ZNF280C: variants seen among roughly 807,000 people sequenced by gnomAD.
ZNF280C encodes the protein zinc finger protein 280C, also known as suppressor of hairy wing homolog 3.
A neutral mutation model predicts 53.6 loss-of-function variants in ZNF280C; 14 were observed. The observed-to-expected ratio is 0.26, with a 90% CI of 0.17 to 0.41. The LOEUF is 0.41. ZNF280C is among the 10% of genes least tolerant of loss of function. ZNF280C has a pLI of 1.00. For synonymous variants in ZNF280C, 203 were observed against 181.1 expected, an observed-to-expected ratio of 1.12 and a Z score of -0.97; for missense variants, 416 against 547.1, an observed-to-expected ratio of 0.76 and a Z score of 2.39.
At chrX:130,266,687 T>C (rs1603247407) in intron 1 of ZNF280C, among the ~76,000 whole-genome samples, 1 of 111,063 alleles carries the variant, frequency 9.0e-6, no homozygotes, top group African/African-American at 3.3e-5. Context: ...TTGCAGCAAA[T>C]GAATAAAGTC....
intron 2 of ZNF280C, among the ~76,000 whole-genome samples, chrX:130,250,021 T>C (rs756931306): frequency 9.0e-5 from 10 of 111,663 alleles, no homozygotes; most frequent in Non-Finnish European, 1.9e-4. Context: ...CAATCATAAG[T>C]ATTAATAGCG....
chrX:130,213,656 G>T (rs2032068110), intron 15 of ZNF280C, among the ~76,000 whole-genome samples: 1 of 112,040 alleles, frequency 8.9e-6, no homozygotes, highest in Admixed American at 9.5e-5. Context: ...AGAAAAAGGG[G>T]TCAAGACTCT....
intron 6 of ZNF280C, among the ~76,000 whole-genome samples, chrX:130,237,833 T>C (rs1296290350): frequency 8.9e-6 from 1 of 111,736 alleles, no homozygotes; most frequent in Non-Finnish European, 1.9e-5. Context: ...ATCACTAACA[T>C]TTTTTCTGAG....
In ZNF280C at chrX:130,204,792, G is replaced by A. The variant is rs608117; in HGVS notation, c.*185C>T. 0.44 allele frequency: 157,340 copies of A among 356,122 alleles called. 25,671 individuals are homozygous for A. Among genetic ancestry groups the A allele is most frequent in the African/African-American group, 0.72 (26,920 of 37,291 alleles). The allele number at this position is 356,122 out of a possible 1,213,427, so 29.3% of individuals were successfully genotyped here. Reference sequence around the variant, plus strand: ...ATATGTTAAGATATGTTAACCTGACGCAAAGATAAGGTGGAATAACAATGT... The same window carrying A: ...ATATGTTAAGATATGTTAACCTGACACAAAGATAAGGTGGAATAACAATGT... On this transcript the variant is annotated 3_prime_UTR_variant, in exon 19 of 19. Coordinates refer to ENST00000370978, the MANE Select transcript of ZNF280C (RefSeq NM_017666.5).
intron 4 of ZNF280C, 49 bp downstream of exon 4, chrX:130,243,751 A>G (rs2032419177): frequency 1.7e-6 from 2 of 1,165,135 alleles, no homozygotes; most frequent in Middle Eastern, 2.9e-4. Flanking sequence ...ACAACCAATT[A>G]TATCAAAATA....
chrX:130,268,410 G>T (rs961196431), intron 1 of ZNF280C, among the ~76,000 whole-genome samples: 1 of 111,981 alleles, frequency 8.9e-6, no homozygotes, highest in Non-Finnish European at 1.9e-5. Flanking sequence ...AAGACGAAAG[G>T]GAGTTGCCTC....
intron 13 of ZNF280C, 35 bp downstream of exon 13, chrX:130,220,314 G>A (rs769977130): frequency 1.2e-5 from 13 of 1,081,677 alleles, no homozygotes; most frequent in South Asian, 8.2e-5. Flanking sequence ...AATAGAATGT[G>A]CAAAAAACCA....
intron 12 of ZNF280C, among the ~76,000 whole-genome samples, chrX:130,224,040 T>A (rs778967908): frequency 1.3e-4 from 15 of 111,832 alleles, no homozygotes; most frequent in Admixed American, 1.2e-3. Flanking sequence ...AACAAAAAAA[T>A]TCAGCACCTG....
In ZNF280C at chrX:130,204,166, G is replaced by A. The variant is rs1375598808; in HGVS notation, c.*811C>T. ...TTCCTTGGACTGCATGCCTGCTAGAGGAAAATTAAAGAGCAGCAGCCAAAA... is the reference window on the plus strand; with the variant it reads ...TTCCTTGGACTGCATGCCTGCTAGAAGAAAATTAAAGAGCAGCAGCCAAAA... On this transcript the variant is annotated 3_prime_UTR_variant, in exon 19 of 19. Coordinates refer to ENST00000370978, the MANE Select transcript of ZNF280C (RefSeq NM_017666.5). The A allele has an allele frequency of 8.9e-6, 1 of 112,529 alleles. No homozygotes were observed. The highest frequency in any genetic ancestry group is 1.9e-5 in the Non-Finnish European group (1 of 53,276). 9.3% of individuals were successfully genotyped at this position (112,529 alleles called of 1,213,427 possible).
At chrX:130,247,736 G>A (rs907917775) in intron 2 of ZNF280C, among the ~76,000 whole-genome samples, 1 of 110,872 alleles carries the variant, frequency 9.0e-6, no homozygotes, top group Non-Finnish European at 1.9e-5. Flanking sequence ...GTATAAACAA[G>A]GGAGATAAAC....
intron 5 of ZNF280C, among the ~76,000 whole-genome samples, chrX:130,240,221 CAAAG>C (rs1301970923): frequency 3.6e-5 from 4 of 110,982 alleles, no homozygotes; most frequent in Non-Finnish European, 7.6e-5. Flanking sequence ...TACCCAATGA[CAAAG>C]AACAATGTTC....
chrX:130,206,405 T>TG (rs2124695128), intron 16 of ZNF280C, among the ~76,000 whole-genome samples: 1 of 101,894 alleles, frequency 9.8e-6, no homozygotes, highest in African/African-American at 3.6e-5. Flanking sequence ...CTGGCTCTGT[T>TG]GTCCAGGCTG....
chrX:130,211,167 G>A (rs2032035937), intron 15 of ZNF280C, among the ~76,000 whole-genome samples: 1 of 111,734 alleles, frequency 8.9e-6, no homozygotes, highest in Non-Finnish European at 1.9e-5. Flanking sequence ...TAGGCACCAT[G>A]GTGAATACAA....
chrX:130,228,622 T>C (rs1050944116), intron 10 of ZNF280C, among the ~76,000 whole-genome samples: 3 of 88,398 alleles, frequency 3.4e-5, no homozygotes, highest in Non-Finnish European at 6.6e-5. Context: ...TTCTACTTTT[T>C]TTTTTTTTTT....
intron 2 of ZNF280C, among the ~76,000 whole-genome samples, chrX:130,259,939 G>A (rs2124717094): frequency 9.1e-6 from 1 of 110,473 alleles, no homozygotes; most frequent in East Asian, 2.8e-4. Context: ...GCTGTGAGCC[G>A]AGATCACGCC....
intron 8 of ZNF280C, among the ~76,000 whole-genome samples, chrX:130,235,057 G>A (rs1032006339): frequency 4.5e-5 from 5 of 111,296 alleles, no homozygotes; most frequent in East Asian, 2.8e-4. Flanking sequence ...AGGGTAATGC[G>A]ACATGGATAT....
At position 130,215,787 on chromosome X, in the gene ZNF280C, T is replaced by C. The variant is rs1358338773; in HGVS notation, c.1838+4A>G. 5.1e-6 allele frequency: 6 copies of C among 1,184,904 alleles called. No homozygotes were observed. In the East Asian group the frequency reaches 1.2e-4, roughly 23 times the overall value. ...TATTGTATATCAGGAATAAAAGATA[T>C]TACCTTATGTTCTTCAAAGCAAGGC... On this transcript the variant is annotated splice_donor_region_variant and intron_variant, in intron 14 of 18. Transcript: ENST00000370978.
intron 16 of ZNF280C, among the ~76,000 whole-genome samples, chrX:130,206,512 G>A (rs1287876952): frequency 1.8e-5 from 2 of 109,380 alleles, no homozygotes; most frequent in Admixed American, 9.8e-5. Context: ...GACTACAGGC[G>A]CCTGCCACCA....
chrX:130,230,715 C>G lies in ZNF280C; in HGVS notation c.784G>C (p.Asp262His). 2 of 1,196,302 alleles carry G rather than the reference C, an allele frequency of 1.7e-6. No individual in the cohort carries two copies. Among genetic ancestry groups the G allele is most frequent in the Non-Finnish European group, 2.3e-6 (2 of 885,014 alleles). Residue 262 changes from aspartate (D) to histidine (H), a missense_variant, in exon 9 of 19, where the codon GAC becomes CAC. Coordinates refer to ENST00000370978, the MANE Select transcript of ZNF280C (RefSeq NM_017666.5). ...ACTCCCAAAAATTTAGTTATCATGT[C>G]TGGACAACAATGCTGAAAGAGGAAA... The part of the protein sequence containing the change: ...LKYHMKHCCP[D>H]MITKFLGVIV...
Sources: gnomAD v4.1 joint callset for allele counts (sites outside exome capture counted in the v4.1 genomes callset) on GRCh38, gnomAD v4.1.1 for gene constraint, MANE v1.5 for transcripts, NCBI Gene and HGNC (gene_info 2026-07-23, HGNC 2026-07-21) for gene names.